Variants in SHB observed in about 807,000 individuals in gnomAD.
The protein encoded by SHB is SH2 domain-containing adapter protein B.
SHB carries 20 observed loss-of-function variants against 52.3 expected under a neutral mutation model. The observed-to-expected ratio is 0.38, with a 90% confidence interval of 0.27 to 0.56. SHB has a LOEUF of 0.56. Ranked by LOEUF, SHB falls within the 20% of genes least tolerant of loss-of-function variation. The pLI is 0.71. For missense variants in SHB, 825 were observed against 723.3 expected, an observed-to-expected ratio of 1.14 and a Z score of -1.61; for synonymous variants, 397 against 316.5, an observed-to-expected ratio of 1.25 and a Z score of -2.70.
At chr9:37,988,231 G>T (rs922444776) in intron 2 of SHB, among the ~76,000 whole-genome samples, 1 of 152,122 alleles carries the variant, frequency 6.6e-6, no homozygotes, top group Non-Finnish European at 1.5e-5. Flanking sequence ...TAACAATGAC[G>T]AGGCTGCCAG....
chr9:37,978,338 A>T (rs1820678750), intron 2 of SHB, among the ~76,000 whole-genome samples: 1 of 152,200 alleles, frequency 6.6e-6, no homozygotes. Flanking sequence ...AGGGCAGGGG[A>T]TGTTATAACG....
chr9:38,060,218 A>G (rs974548439), intron 1 of SHB, among the ~76,000 whole-genome samples: 9 of 152,190 alleles, frequency 5.9e-5, no homozygotes, highest in Non-Finnish European at 1.3e-4. Flanking sequence ...TTTGGTGCCC[A>G]GGCTGGAGTG....
chr9:37,988,674 T>C (rs1820841154), intron 2 of SHB, among the ~76,000 whole-genome samples: 1 of 152,158 alleles, frequency 6.6e-6, no homozygotes, highest in Admixed American at 6.5e-5. Flanking sequence ...TCCTATGGGG[T>C]GCCCAGATAG....
In SHB at chr9:38,056,785, G is replaced by A. The variant is rs546379834; in HGVS notation, c.717+11144C>T. Among the ~76,000 whole-genome samples the A allele has an allele frequency of 2.2e-3, 338 of 152,350 alleles. 1 individual carries two copies. Among genetic ancestry groups the A allele is most frequent in the African/African-American group, 7.8e-3 (326 of 41,586 alleles). On this transcript the variant is annotated intron_variant, in intron 1 of 5. Coordinates refer to ENST00000377707, the MANE Select transcript of SHB (RefSeq NM_003028.3). ...AAATGTTCTGCAACCCAAATGGCAG[G>A]TAAGGGGCTGCTATTGTTAATCCAC...
chr9:37,990,038 G>A (rs894364464), intron 2 of SHB, among the ~76,000 whole-genome samples: 23 of 152,274 alleles, frequency 1.5e-4, no homozygotes, highest in Admixed American at 1.1e-3. Context: ...CTGAAAAGCC[G>A]TCCTTAAGAG....
intron 5 of SHB, among the ~76,000 whole-genome samples, chr9:37,924,780 A>T (rs1474295988): frequency 6.6e-6 from 1 of 152,240 alleles, no homozygotes; most frequent in Non-Finnish European, 1.5e-5. Context: ...TTAAGTTGTT[A>T]GAATGATCAC....
At chr9:38,067,217 G>A (rs1322997698) in intron 1 of SHB, among the ~76,000 whole-genome samples, 1 of 152,212 alleles carries the variant, frequency 6.6e-6, no homozygotes, top group East Asian at 1.9e-4. Flanking sequence ...GAGGATAGGA[G>A]GGGTGGGGTC....
chr9:38,068,425 C>T lies in SHB; in HGVS notation c.221G>A (p.Ser74Asn). The change falls in exon 1 of 6, where the codon AGC becomes AAC. Residue 74 changes from serine to asparagine, a missense_variant. By Grantham distance (46) the Ser-to-Asn change is conservative. Coordinates refer to ENST00000377707, the MANE Select transcript of SHB (RefSeq NM_003028.3). ...SASSGSLPDD[S>N]GSTSDLIRAY... Reference sequence around the variant, plus strand: ...GCGGATGAGGTCGCTGGTGCTGCCGCTGTCGTCGGGCAGCGAGCCCGAAGA... The same window carrying T: ...GCGGATGAGGTCGCTGGTGCTGCCGTTGTCGTCGGGCAGCGAGCCCGAAGA... 6.4e-7 allele frequency: 1 copy of T among 1,562,802 alleles called. No individual in the cohort carries two copies. Among genetic ancestry groups the T allele is most frequent in the Non-Finnish European group, 8.6e-7 (1 of 1,158,520 alleles).
Position 38,022,764 on chromosome 9 carries a change from C to T in SHB, c.718-6633G>A, listed in dbSNP as rs148515566. 1.1e-4 allele frequency among the ~76,000 whole-genome samples: 17 copies of T among 152,274 alleles called. No homozygotes were observed. In the East Asian group the frequency reaches 1.7e-3, roughly 16 times the overall value. On this transcript the variant is annotated intron_variant, in intron 1 of 5. Transcript: ENST00000377707. ...ATAATGATGAGGCCGCTCAGAGAAG[C>T]GGTAGTGGACAGATGTTCTGTGCAG...
intron 5 of SHB, among the ~76,000 whole-genome samples, chr9:37,936,161 A>G (rs1832368098): frequency 6.6e-6 from 1 of 152,178 alleles, no homozygotes; most frequent in Admixed American, 6.5e-5. Context: ...GGTTGCAGTG[A>G]GCCGAGATAG....
chr9:37,955,380 CAACCTTCCAAGAGCCTT>C (rs1832616568), intron 4 of SHB, among the ~76,000 whole-genome samples: 1 of 152,152 alleles, frequency 6.6e-6, no homozygotes, highest in South Asian at 2.1e-4. Flanking sequence ...GTGGGAGCCT[CAACCTTCCAAGAGCCTT>C]AACCTGCCCA....
intron 3 of SHB, among the ~76,000 whole-genome samples, chr9:37,966,506 C>A (rs530059304): frequency 6.6e-6 from 1 of 152,156 alleles, no homozygotes; most frequent in Non-Finnish European, 1.5e-5. Flanking sequence ...AAGTGATCCC[C>A]GTTCTCTCAC....
chr9:38,023,053 T>C (rs1821300736), intron 1 of SHB, among the ~76,000 whole-genome samples: 1 of 152,204 alleles, frequency 6.6e-6, no homozygotes, highest in Non-Finnish European at 1.5e-5. Context: ...CTTTAAGGAC[T>C]GGCTAAGTGG....
chr9:37,989,079 A>G lies in SHB; in HGVS notation c.839-14242T>C, dbSNP rs565344305. 7.2e-4 allele frequency among the ~76,000 whole-genome samples: 90 copies of G among 125,170 alleles called. No individual in the cohort carries two copies. The South Asian group carries it at 0.017, about 23-fold the overall frequency. The allele number at this position is 125,170 out of a possible 152,430, so 82.1% of individuals were successfully genotyped here. ...TAAATCTCTCTGCACATGCACATAC[A>G]CACACACACACTCTCTCTCACACAC... On this transcript the variant is annotated intron_variant, in intron 2 of 5. Transcript: ENST00000377707.
intron 1 of SHB, among the ~76,000 whole-genome samples, chr9:38,037,871 C>T (rs1050348254): frequency 6.6e-6 from 1 of 152,136 alleles, no homozygotes; most frequent in Non-Finnish European, 1.5e-5. Context: ...CACAGGCTCA[C>T]AAATAGGCAT....
chr9:37,950,025 C>T (rs1317255181), intron 4 of SHB, among the ~76,000 whole-genome samples: 4 of 152,212 alleles, frequency 2.6e-5, no homozygotes, highest in Non-Finnish European at 5.9e-5. Flanking sequence ...CTGCCTCAAA[C>T]TCCAGGGCTC....
At chr9:38,042,984 T>C (rs2118145430) in intron 1 of SHB, among the ~76,000 whole-genome samples, 1 of 152,278 alleles carries the variant, frequency 6.6e-6, no homozygotes, top group African/African-American at 2.4e-5. Flanking sequence ...GTTCCCACTC[T>C]GAGCTCCAGT....
chr9:37,940,945 A>C (rs902989973), intron 5 of SHB, among the ~76,000 whole-genome samples: 4 of 152,204 alleles, frequency 2.6e-5, no homozygotes, highest in African/African-American at 9.7e-5. Context: ...CCAGCTCCTG[A>C]TGAGCAACTA....
At chr9:37,940,584 C>G (rs1044230200) in intron 5 of SHB, among the ~76,000 whole-genome samples, 2 of 152,122 alleles carry the variant, frequency 1.3e-5, no homozygotes, top group African/African-American at 2.4e-5. Flanking sequence ...AGAGACAGAC[C>G]CCCTCTTCCC....
Sources: gnomAD v4.1 joint callset for allele counts (sites outside exome capture counted in the v4.1 genomes callset) on GRCh38, gnomAD v4.1.1 for gene constraint, MANE v1.5 for transcripts, NCBI Gene and HGNC (gene_info 2026-07-23, HGNC 2026-07-21) for gene names.